The following GIPC2 variants were observed in gnomAD, a reference collection of about 807,000 sequenced individuals.
GIPC2 encodes the protein GIPC PDZ domain containing family member 2.
Under a neutral mutation model 30.6 loss-of-function variants are expected in GIPC2, and 30 were observed. That is an observed-to-expected ratio of 0.98 (90% CI 0.73 to 1.33). GIPC2 has a LOEUF of 1.33. Ranked by LOEUF, GIPC2 falls within the 40% of genes most tolerant of loss-of-function variation. The pLI is 0.00. For missense variants in GIPC2, 414 were observed against 390.3 expected (o/e 1.06, Z -0.51); for synonymous variants, 167 against 150.0 (o/e 1.11, Z -0.83).
intron 3 of GIPC2, among the ~76,000 whole-genome samples, chr1:78,113,408 G>A (rs1427743800): frequency 2.0e-5 from 3 of 152,026 alleles, no homozygotes; most frequent in African/African-American, 4.8e-5. Flanking sequence ...CTTTTTTTGA[G>A]ACAAGGTCTT....
At chr1:78,112,442 T>G (rs1401726207) in intron 3 of GIPC2, 4 of 518,962 alleles carry the variant, frequency 7.7e-6, no homozygotes, top group South Asian at 1.4e-5. Flanking sequence ...TCTTGTTCAC[T>G]GAGCAACTTG....
intron 2 of GIPC2, among the ~76,000 whole-genome samples, chr1:78,083,366 G>A (rs1408517978): frequency 6.6e-6 from 1 of 152,104 alleles, no homozygotes; most frequent in Non-Finnish European, 1.5e-5. Context: ...CCTTCTCAGT[G>A]CACCACATCA....
chr1:78,119,291 C>T (rs1662633269), intron 3 of GIPC2, 102 bp from the exon 4 acceptor site: 1 of 638,696 alleles, frequency 1.6e-6, no homozygotes. Context: ...ATTTCTATAA[C>T]AATTGTATAT....
In GIPC2 at chr1:78,046,297, C is replaced by T; in HGVS notation, c.203C>T (p.Ala68Val). The change falls in exon 1 of 6, where the codon GCC (alanine) becomes GTC (valine). Residue 68 changes from alanine (A) to valine (V), a missense_variant. Transcript: ENST00000370759. Reference sequence around the variant, plus strand: ...TTCTCCAGCATCCAGGAGCTCTACGCCCAGATCGCGGGCGCGTTTGAAATC... The same window carrying T: ...TTCTCCAGCATCCAGGAGCTCTACGTCCAGATCGCGGGCGCGTTTGAAATC... ...EGFSSIQELYAQIAGAFEISP... is the reference protein window; with the variant it reads ...EGFSSIQELYVQIAGAFEISP... 6.2e-7 allele frequency: 1 copy of T among 1,611,768 alleles called. No individual in the cohort carries two copies. Among genetic ancestry groups the T allele is most frequent in the Non-Finnish European group, 8.5e-7 (1 of 1,179,530 alleles).
intron 2 of GIPC2, among the ~76,000 whole-genome samples, chr1:78,087,974 T>C (rs1393031481): frequency 6.6e-6 from 1 of 151,882 alleles, no homozygotes; most frequent in East Asian, 1.9e-4. Flanking sequence ...CAGACACACA[T>C]GTGGCCAACA....
chr1:78,127,620 A>G (rs939826259), intron 5 of GIPC2, among the ~76,000 whole-genome samples: 3 of 152,102 alleles, frequency 2.0e-5, no homozygotes, highest in Non-Finnish European at 2.9e-5. Context: ...GCTCAGTCCA[A>G]ACCAATCACC....
intron 1 of GIPC2, among the ~76,000 whole-genome samples, chr1:78,067,683 C>T (rs1661545483): frequency 6.6e-6 from 1 of 152,170 alleles, no homozygotes; most frequent in South Asian, 2.1e-4. Flanking sequence ...GATCTCCTGA[C>T]CTTGTGATCC....
intron 5 of GIPC2, 43 bp downstream of exon 5, chr1:78,126,005 G>T (rs931984191): frequency 3.4e-6 from 3 of 879,122 alleles, no homozygotes; most frequent in Non-Finnish European, 5.7e-6. Flanking sequence ...CTCTTAATCT[G>T]CTTAATGTTT....
chr1:78,100,657 C>T (rs919566696), intron 3 of GIPC2, among the ~76,000 whole-genome samples: 8 of 152,128 alleles, frequency 5.3e-5, no homozygotes, highest in South Asian at 2.1e-4. Context: ...GGGCTGGGTG[C>T]GGTGGTTCAC....
intron 3 of GIPC2, among the ~76,000 whole-genome samples, chr1:78,114,289 A>G (rs562336836): frequency 3.3e-5 from 5 of 152,294 alleles, no homozygotes; most frequent in East Asian, 1.9e-4. Context: ...AGATCCGTTC[A>G]TGTGAAGTGA....
chr1:78,082,424 A>AT (rs1380251885), intron 2 of GIPC2, among the ~76,000 whole-genome samples: 2 of 152,166 alleles, frequency 1.3e-5, no homozygotes, highest in East Asian at 3.8e-4. Flanking sequence ...TAGAATGGCT[A>AT]TTTTTAGCTC....
At position 78,125,934 on chromosome 1, in the gene GIPC2, G is replaced by T. The variant is rs746791727; in HGVS notation, c.768G>T (p.Leu256Phe). The change falls in exon 5 of 6, where the codon TTG becomes TTT. Residue 256 changes from leucine (L) to phenylalanine (F), a missense_variant. Leu to Phe is a conservative substitution (Grantham distance 22, BLOSUM62 0). Coordinates refer to ENST00000370759, the MANE Select transcript of GIPC2 (RefSeq NM_017655.6). ...AAAAGATTGATGATGTTCTTGAGTT[G>T]TACATGGGAATTCGAGATATTGATT... ...AIEKIDDVLE[L>F]YMGIRDIDLA... 1.9e-6 allele frequency: 3 copies of T among 1,574,012 alleles called. No individual in the cohort carries two copies. The African/African-American group carries it at 4.0e-5, about 21-fold the overall frequency.
At chr1:78,045,082 C>A, upstream of GIPC2, 1 of 983,096 alleles carries the variant, frequency 1.0e-6, no homozygotes, top group African/African-American at 1.7e-5. Context: ...ATGAAATGGG[C>A]AACGCAGACC....
intron 3 of GIPC2, chr1:78,112,349 A>G (rs973156615): frequency 2.0e-6 from 1 of 502,180 alleles, no homozygotes; most frequent in African/African-American, 1.9e-5. Context: ...GCTCCAAGGA[A>G]GTGTGATCCT....
chr1:78,077,858 A>G (rs761171467), intron 1 of GIPC2, among the ~76,000 whole-genome samples: 3 of 152,164 alleles, frequency 2.0e-5, no homozygotes, highest in Middle Eastern at 3.2e-3. Context: ...TTATCTTTTG[A>G]TGAGTGAATG....
At chr1:78,122,701 T>C (rs1473885723) in intron 4 of GIPC2, among the ~76,000 whole-genome samples, 1 of 152,218 alleles carries the variant, frequency 6.6e-6, no homozygotes, top group East Asian at 1.9e-4. Context: ...CAAGATGGGA[T>C]TTGGGTGGGC....
At chr1:78,124,822 A>G (rs895260617) in intron 4 of GIPC2, among the ~76,000 whole-genome samples, 2 of 152,150 alleles carry the variant, frequency 1.3e-5, no homozygotes, top group African/African-American at 4.8e-5. Context: ...CCTGGCCAAC[A>G]TGGTGAAACC....
At chr1:78,100,967 CACACACACACACACAT>C (rs1662238881) in intron 3 of GIPC2, among the ~76,000 whole-genome samples, 6 of 147,454 alleles carry the variant, frequency 4.1e-5, no homozygotes, top group African/African-American at 1.6e-4. Context: ...CACACACACA[CACACACACACACACAT>C]ACACACGAGG....
At position 78,080,770 on chromosome 1, in the gene GIPC2, A is replaced by T; in HGVS notation, c.336A>T (p.Lys112Asn). 6.2e-7 allele frequency: 1 copy of T among 1,609,996 alleles called. No individual in the cohort carries two copies. Among genetic ancestry groups the T allele is most frequent in the Non-Finnish European group, 8.5e-7 (1 of 1,176,280 alleles). ...GLEDFIFAHV[K>N]GIEKEVNVYK... ...AAGATTTCATATTTGCCCATGTGAAAGGAATCGAAAAAGAAGTGAATGTGT... is the reference window on the plus strand; with the variant it reads ...AAGATTTCATATTTGCCCATGTGAATGGAATCGAAAAAGAAGTGAATGTGT... Residue 112 changes from lysine to asparagine, a missense_variant, in exon 2 of 6, where the codon AAA (lysine) becomes AAT (asparagine). Coordinates refer to ENST00000370759, the MANE Select transcript of GIPC2 (RefSeq NM_017655.6).
Sources: gnomAD v4.1 joint callset for allele counts (sites outside exome capture counted in the v4.1 genomes callset) on GRCh38, gnomAD v4.1.1 for gene constraint, MANE v1.5 for transcripts, NCBI Gene and HGNC (gene_info 2026-07-23, HGNC 2026-07-21) for gene names.